SWT1: variants seen among roughly 807,000 people sequenced by gnomAD.
SWT1 encodes SWT1 RNA endoribonuclease homolog.
Under a neutral mutation model 107.3 loss-of-function variants are expected in SWT1, and 33 were observed. The observed-to-expected ratio is 0.31, with a 90% CI of 0.23 to 0.41. The LOEUF is 0.41. SWT1 is among the 10% of genes least tolerant of loss of function. SWT1 has a pLI of 1.00. For missense variants in SWT1, 898 were observed against 1,028.9 expected (o/e 0.87, Z 1.74); for synonymous variants, 345 against 348.3 (o/e 0.99, Z 0.11).
chr1:185,269,045 G>A (rs1480546803), intron 16 of SWT1, among the ~76,000 whole-genome samples: 1 of 151,910 alleles, frequency 6.6e-6, no homozygotes, highest in South Asian at 2.1e-4. Context: ...GTAGAGACGG[G>A]GTTTCACCGT....
chr1:185,228,059 C>T (rs1307373017), intron 15 of SWT1, among the ~76,000 whole-genome samples: 1 of 151,356 alleles, frequency 6.6e-6, no homozygotes, highest in Admixed American at 6.6e-5. Flanking sequence ...CCATTGCACT[C>T]CAGCCTGGGT....
Position 185,231,451 on chromosome 1 carries a change from A to G in SWT1, c.2310-126A>G. The G allele has an allele frequency of 4.1e-6, 3 of 725,036 alleles. 1 individual carries two copies. Among genetic ancestry groups the G allele is most frequent in the South Asian group, 3.4e-5 (2 of 58,528 alleles). The allele number at this position is 725,036 out of a possible 1,614,324, so 44.9% of individuals were successfully genotyped here. ...ACTATCTTTTATTTCTAATTTAAATAGATCAGCATTCTGAGAGATTAGTGA... is the reference window on the plus strand; with the variant it reads ...ACTATCTTTTATTTCTAATTTAAATGGATCAGCATTCTGAGAGATTAGTGA... On this transcript the variant is annotated intron_variant, in intron 15 of 18. Transcript: ENST00000367500.
At chr1:185,259,490 A>G (rs1339910445) in intron 16 of SWT1, among the ~76,000 whole-genome samples, 1 of 152,168 alleles carries the variant, frequency 6.6e-6, no homozygotes, top group Admixed American at 6.5e-5. Flanking sequence ...TAGATTCACA[A>G]TAATCAGATT....
chr1:185,203,985 T>A (rs1319509340), intron 11 of SWT1, among the ~76,000 whole-genome samples: 1 of 152,204 alleles, frequency 6.6e-6, no homozygotes, highest in Non-Finnish European at 1.5e-5. Flanking sequence ...AGCCACTTAA[T>A]ATTTTTAATT....
At chr1:185,257,524 G>T (rs1463712059) in intron 16 of SWT1, among the ~76,000 whole-genome samples, 2 of 152,218 alleles carry the variant, frequency 1.3e-5, no homozygotes, top group Admixed American at 1.3e-4. Flanking sequence ...GCAGTATTCG[G>T]GTGGGAGTGA....
intron 14 of SWT1, among the ~76,000 whole-genome samples, chr1:185,217,771 T>C (rs755086281): frequency 1.3e-5 from 2 of 152,160 alleles, no homozygotes; most frequent in Non-Finnish European, 2.9e-5. Context: ...AATTTTTGTA[T>C]TTTTAGTAGA....
At chr1:185,199,409 G>A (rs1657681277) in intron 10 of SWT1, among the ~76,000 whole-genome samples, 1 of 152,134 alleles carries the variant, frequency 6.6e-6, no homozygotes, top group South Asian at 2.1e-4. Context: ...TCCATATTTA[G>A]TGCTTCCTTC....
chr1:185,194,134 G>T (rs1657191370), intron 10 of SWT1, among the ~76,000 whole-genome samples: 1 of 151,974 alleles, frequency 6.6e-6, no homozygotes, highest in African/African-American at 2.4e-5. Context: ...TATTTATGTG[G>T]TGTATCTTTT....
intron 14 of SWT1, among the ~76,000 whole-genome samples, chr1:185,220,280 C>G (rs943858016): frequency 6.8e-6 from 1 of 148,036 alleles, no homozygotes; most frequent in East Asian, 2.0e-4. Context: ...AAGGCTAGAG[C>G]ACTCACTTAC....
In SWT1 at chr1:185,290,773, G is replaced by C; in HGVS notation, c.2673G>C (p.Trp891Cys). 1 of 1,611,214 alleles carries C rather than the reference G, an allele frequency of 6.2e-7. No individual in the cohort carries two copies. The highest frequency in any genetic ancestry group is 1.3e-5 in the African/African-American group (1 of 74,884). Residue 891 changes from tryptophan (W) to cysteine (C), a missense_variant, in exon 19 of 19, where the codon TGG becomes TGC. Trp to Cys is a radical substitution (Grantham distance 215). Around this residue, in one of 6 missense-constraint regions of SWT1, gnomAD observed 382 missense variants for 460.0 expected, o/e 0.83. Coordinates refer to ENST00000367500, the MANE Select transcript of SWT1 (RefSeq NM_017673.7). The part of the protein sequence containing the change: ...SVYMEAKNRG[W>C]CEDMLNYRI ...ATATGGAGGCCAAAAACAGGGGATGGTGTGAAGACATGCTCAACTATAGGA... is the reference window on the plus strand; with the variant it reads ...ATATGGAGGCCAAAAACAGGGGATGCTGTGAAGACATGCTCAACTATAGGA...
At chr1:185,170,791 A>G (rs764242268) in intron 4 of SWT1, among the ~76,000 whole-genome samples, 2 of 152,174 alleles carry the variant, frequency 1.3e-5, no homozygotes, top group African/African-American at 2.4e-5. Context: ...GTTTCTTTCT[A>G]TAGGACTATA....
chr1:185,222,548 G>A (rs932463978), intron 15 of SWT1, among the ~76,000 whole-genome samples: 5 of 151,952 alleles, frequency 3.3e-5, no homozygotes, highest in Admixed American at 2.0e-4. Context: ...CTTGAGGTCA[G>A]TAGTTTGAAA....
In SWT1 at chr1:185,276,689, G is replaced by C. The variant is rs371280873; in HGVS notation, c.2573+21G>C. On this transcript the variant is annotated intron_variant, in intron 18 of 18. Coordinates refer to ENST00000367500, the MANE Select transcript of SWT1 (RefSeq NM_017673.7). Reference sequence around the variant, plus strand: ...TATAGGTAAGTCATATCTATATATAGATATAAACCATTGTAACAAGCTTTT... The same window carrying C: ...TATAGGTAAGTCATATCTATATATACATATAAACCATTGTAACAAGCTTTT... 5 of 1,353,974 alleles carry C rather than the reference G, an allele frequency of 3.7e-6. No homozygotes were observed. The Admixed American group carries it at 9.6e-5, about 26-fold the overall frequency. 83.9% of individuals were successfully genotyped at this position (1,353,974 alleles called of 1,614,324 possible).
rs1394544168 is a variant in SWT1, at chr1:185,212,680, A to G, written c.1973-1827A>G. ...TAGCTGGGCGTGGTGGTGGGTGCCT[A>G]TAATCCCAGCTACTCGGGAGGCTGA... On this transcript the variant is annotated intron_variant, in intron 13 of 18. Transcript: ENST00000367500. Among the ~76,000 whole-genome samples, 6 of 151,958 alleles carry G rather than the reference A, an allele frequency of 3.9e-5. 1 individual carries two copies. Among genetic ancestry groups the G allele is most frequent in the South Asian group, 4.1e-4 (2 of 4,820 alleles).
chr1:185,176,261 A>G, intron 5 of SWT1, among the ~76,000 whole-genome samples: 1 of 131,598 alleles, frequency 7.6e-6, no homozygotes, highest in African/African-American at 2.8e-5. Flanking sequence ...ACTCCAACCT[A>G]GGTGACAGAA....
chr1:185,198,421 G>T (rs1434345218), intron 10 of SWT1, among the ~76,000 whole-genome samples: 1 of 152,148 alleles, frequency 6.6e-6, no homozygotes, highest in Non-Finnish European at 1.5e-5. Context: ...TGTTGATTTG[G>T]GGTGGAGAGT....
chr1:185,174,038 A>G (rs527624723), intron 4 of SWT1, among the ~76,000 whole-genome samples: 2 of 152,268 alleles, frequency 1.3e-5, no homozygotes, highest in East Asian at 3.9e-4. Flanking sequence ...ATGAAATCAC[A>G]CATACGTTCT....
At chr1:185,281,725 G>T in intron 18 of SWT1, 1 of 159,770 alleles carries the variant, frequency 6.3e-6, no homozygotes. Flanking sequence ...AGACGGACAG[G>T]AAAAGAAGAG....
intron 13 of SWT1, among the ~76,000 whole-genome samples, chr1:185,210,273 G>A (rs879148644): frequency 6.6e-6 from 1 of 152,168 alleles, no homozygotes; most frequent in Non-Finnish European, 1.5e-5. Context: ...TACTTTTGGT[G>A]TTTTAGTCAT....
Sources: allele counts gnomAD v4.1 joint callset (sites outside exome capture counted in the v4.1 genomes callset), GRCh38; gene constraint gnomAD v4.1.1; regional missense constraint gnomAD v4.1.1; transcripts MANE v1.5; gene names NCBI Gene and HGNC (gene_info 2026-07-23, HGNC 2026-07-21).